PDZRN4: variants seen among roughly 807,000 people sequenced by gnomAD.
PDZRN4 encodes the protein PDZ domain-containing RING finger protein 4.
PDZRN4 carries 70 observed loss-of-function variants against 99.0 expected under a neutral mutation model. That is an observed-to-expected ratio of 0.71 (90% CI 0.58 to 0.86). The LOEUF (loss-of-function observed/expected upper bound fraction) is 0.86, where lower values mean the gene tolerates loss of function less well. PDZRN4 is among the 40% of genes least tolerant of loss of function. PDZRN4 has a pLI of 0.00. For synonymous variants in PDZRN4, 551 were observed against 501.6 expected, an observed-to-expected ratio of 1.10 and a Z score of -1.32; for missense variants, 1,474 against 1,331.2, an observed-to-expected ratio of 1.11 and a Z score of -1.67.
chr12:41,336,747 T>A (rs1421051695), intron 3 of PDZRN4, among the ~76,000 whole-genome samples: 4 of 151,728 alleles, frequency 2.6e-5, no homozygotes, highest in East Asian at 3.9e-4. Context: ...AAGTGGGGAG[T>A]GTTGATTGGT....
chr12:41,305,542 T>C (rs576837274), intron 3 of PDZRN4, among the ~76,000 whole-genome samples: 1 of 152,220 alleles, frequency 6.6e-6, no homozygotes, highest in Non-Finnish European at 1.5e-5. Context: ...GCCTTGTAGG[T>C]GGGTCCTATA....
At chr12:41,469,540 G>GT (rs1341020583) in intron 3 of PDZRN4, among the ~76,000 whole-genome samples, 3 of 152,078 alleles carry the variant, frequency 2.0e-5, no homozygotes, top group South Asian at 4.1e-4. Flanking sequence ...ATTTTTTGAG[G>GT]TTTTTTTCTT....
intron 3 of PDZRN4, among the ~76,000 whole-genome samples, chr12:41,300,555 T>G (rs1207044239): frequency 6.6e-6 from 1 of 152,014 alleles, no homozygotes; most frequent in African/African-American, 2.4e-5. Flanking sequence ...TATGTAGGTT[T>G]TATTTTTTCC....
chr12:41,553,600 A>G (rs1232903417), intron 6 of PDZRN4, among the ~76,000 whole-genome samples: 2 of 152,034 alleles, frequency 1.3e-5, no homozygotes, highest in African/African-American at 4.8e-5. Flanking sequence ...AGGCTTTGGC[A>G]ATAGGATAGC....
intron 3 of PDZRN4, among the ~76,000 whole-genome samples, chr12:41,290,424 A>G (rs1337252607): frequency 1.3e-5 from 2 of 152,130 alleles, no homozygotes; most frequent in Admixed American, 1.3e-4. Context: ...GATTTATCGC[A>G]TTTTCCAGGA....
intron 5 of PDZRN4, among the ~76,000 whole-genome samples, chr12:41,548,280 C>T (rs1938992407): frequency 6.6e-6 from 1 of 152,164 alleles, no homozygotes; most frequent in South Asian, 2.1e-4. Flanking sequence ...TTATAATAGA[C>T]TATCTAGCTT....
chr12:41,344,845 A>G (rs996329100), intron 3 of PDZRN4, among the ~76,000 whole-genome samples: 1 of 151,394 alleles, frequency 6.6e-6, no homozygotes, highest in African/African-American at 2.4e-5. Flanking sequence ...ATTAGTTAGC[A>G]TAAAGTGCAG....
chr12:41,371,214 C>T (rs1468735718), intron 3 of PDZRN4, among the ~76,000 whole-genome samples: 1 of 150,698 alleles, frequency 6.6e-6, no homozygotes, highest in Non-Finnish European at 1.5e-5. Flanking sequence ...CAGGACCAAT[C>T]TTTCACTACT....
intron 3 of PDZRN4, among the ~76,000 whole-genome samples, chr12:41,466,162 G>A (rs1243690004): frequency 1.3e-5 from 2 of 152,156 alleles, no homozygotes; most frequent in East Asian, 1.9e-4. Context: ...TGCCTATTGT[G>A]TAGGGAATCT....
intron 3 of PDZRN4, among the ~76,000 whole-genome samples, chr12:41,238,124 C>A (rs982867564): frequency 1.3e-5 from 2 of 151,954 alleles, no homozygotes; most frequent in Non-Finnish European, 2.9e-5. Context: ...TTTGCATCTG[C>A]TTGTGTCTTC....
At chr12:41,390,692 T>C (rs1170985033) in intron 3 of PDZRN4, among the ~76,000 whole-genome samples, 3 of 152,100 alleles carry the variant, frequency 2.0e-5, no homozygotes, top group African/African-American at 7.2e-5. Context: ...CAGTCTTAAA[T>C]TCCAGTGTGT....
At chr12:41,322,487 C>CTTT (rs71081724) in intron 3 of PDZRN4, among the ~76,000 whole-genome samples, 9,959 of 90,794 alleles carry the variant, frequency 0.11, 1,560 homozygotes, top group African/African-American at 0.18. Context: ...ATTTTCTTTC[C>CTTT]TTTTTTTTTT....
intron 3 of PDZRN4, among the ~76,000 whole-genome samples, chr12:41,498,057 A>C (rs1027587465): frequency 1.3e-5 from 2 of 152,062 alleles, no homozygotes; most frequent in Non-Finnish European, 2.9e-5. Flanking sequence ...TAGTATAAAA[A>C]TTCTCAAATA....
intron 5 of PDZRN4, among the ~76,000 whole-genome samples, chr12:41,541,210 G>A (rs1938849187): frequency 6.6e-6 from 1 of 151,828 alleles, no homozygotes; most frequent in African/African-American, 2.4e-5. Context: ...GAATACGGGT[G>A]TGAGCCACCA....
Position 41,339,793 on chromosome 12 carries a change from A to C in PDZRN4, c.843+145605A>C, listed in dbSNP as rs186917222. ...GAATACAGATTTCTCAAAAGAAGACATACAAATGGCAATCATGTATATGAA... is the reference window on the plus strand; with the variant it reads ...GAATACAGATTTCTCAAAAGAAGACCTACAAATGGCAATCATGTATATGAA... On this transcript the variant is annotated intron_variant, in intron 3 of 9. Coordinates refer to ENST00000402685, the MANE Select transcript of PDZRN4 (RefSeq NM_001164595.2). Among the ~76,000 whole-genome samples, 245 of 152,248 alleles carry C rather than the reference A, an allele frequency of 1.6e-3. 1 individual carries two copies. Among genetic ancestry groups the C allele is most frequent in the South Asian group, 3.3e-3 (16 of 4,830 alleles).
intron 3 of PDZRN4, among the ~76,000 whole-genome samples, chr12:41,317,019 G>A (rs551525414): frequency 1.3e-5 from 1 of 78,672 alleles, no homozygotes; most frequent in Admixed American, 2.1e-4. Context: ...TTATATTAGA[G>A]TTCTCCAGAG....
At chr12:41,406,858 C>CAAAAAAAAAA (rs758320141) in intron 3 of PDZRN4, among the ~76,000 whole-genome samples, 2 of 46,924 alleles carry the variant, frequency 4.3e-5, no homozygotes, top group Non-Finnish European at 4.8e-5. Context: ...AACTCCGTCT[C>CAAAAAAAAAA]AAAAAAAAAA....
At chr12:41,360,682 A>G (rs1025796777) in intron 3 of PDZRN4, among the ~76,000 whole-genome samples, 3 of 152,078 alleles carry the variant, frequency 2.0e-5, no homozygotes, top group African/African-American at 7.2e-5. Flanking sequence ...CATAAACTGA[A>G]TAGACTAAAG....
At chr12:41,522,926 A>G (rs183164148) in intron 5 of PDZRN4, among the ~76,000 whole-genome samples, 143 of 152,182 alleles carry the variant, frequency 9.4e-4, no homozygotes, top group Non-Finnish European at 8.7e-4. Flanking sequence ...CTTCCCTATA[A>G]ATAACTTGCC....
Sources: gnomAD v4.1 joint callset for allele counts (sites outside exome capture counted in the v4.1 genomes callset) on GRCh38, gnomAD v4.1.1 for gene constraint, MANE v1.5 for transcripts, NCBI Gene and HGNC (gene_info 2026-07-23, HGNC 2026-07-21) for gene names.